PDE3B: variants seen among roughly 807,000 people sequenced by gnomAD.
The protein encoded by PDE3B is cGMP-inhibited 3',5'-cyclic phosphodiesterase 3B.
In PDE3B, 66 loss-of-function variants were observed where a neutral mutation model predicts 116.8. The ratio of observed to expected loss-of-function variants is 0.56; its 90% CI spans 0.46 to 0.69. The LOEUF (loss-of-function observed/expected upper bound fraction) is 0.69, where lower values mean the gene tolerates loss of function less well. Ranked by LOEUF, PDE3B falls within the 30% of genes least tolerant of loss-of-function variation. The pLI is 0.00. For missense variants in PDE3B, 1,384 were observed against 1,368.1 expected, an observed-to-expected ratio of 1.01 and a Z score of -0.18; for synonymous variants, 595 against 533.6, an observed-to-expected ratio of 1.12 and a Z score of -1.59.
the PDE3B span, among the ~76,000 whole-genome samples, chr11:14,889,720 C>T: frequency 6.6e-6 from 1 of 152,138 alleles, no homozygotes; most frequent in African/African-American, 2.4e-5. Flanking sequence ...TCTTTCAGTT[C>T]AAATATTTAT....
the PDE3B span, chr11:14,892,207 G>C: frequency 4.4e-6 from 7 of 1,609,016 alleles, no homozygotes; most frequent in South Asian, 5.5e-5. Flanking sequence ...CTTCCACATC[G>C]GCCCGAGCTG....
chr11:14,728,806 A>G (rs1441132270), intron 1 of PDE3B, among the ~76,000 whole-genome samples: 1 of 152,140 alleles, frequency 6.6e-6, no homozygotes, highest in African/African-American at 2.4e-5. Context: ...ATACTATACT[A>G]CTATATAAGC....
At chr11:14,880,223 C>T in the PDE3B span, 14 of 1,612,894 alleles carry the variant, frequency 8.7e-6, 1 homozygote, top group South Asian at 1.4e-4. Context: ...ATGAGTTCAC[C>T]CACTGAGAAA....
chr11:14,661,464 T>C (rs1299945727), intron 1 of PDE3B, among the ~76,000 whole-genome samples: 1 of 152,194 alleles, frequency 6.6e-6, no homozygotes, highest in Non-Finnish European at 1.5e-5. Context: ...CGTAGGACAG[T>C]GGGTGCAGCG....
chr11:14,831,903 A>T, intron 9 of PDE3B, 126 bp downstream of exon 9: 1 of 570,330 alleles, frequency 1.8e-6, no homozygotes, highest in Non-Finnish European at 3.0e-6. Flanking sequence ...TATTTTTTTC[A>T]GAAAAAAATA....
At chr11:14,677,131 A>G (rs1351618891) in intron 1 of PDE3B, among the ~76,000 whole-genome samples, 1 of 151,828 alleles carries the variant, frequency 6.6e-6, no homozygotes, top group African/African-American at 2.4e-5. Context: ...TTAGTTTTTA[A>G]TTTTTTTTCT....
chr11:14,784,369 C>G (rs1053028055), intron 2 of PDE3B, among the ~76,000 whole-genome samples: 1 of 152,152 alleles, frequency 6.6e-6, no homozygotes, highest in Non-Finnish European at 1.5e-5. Flanking sequence ...ATCTGATACT[C>G]AAGACAAGAC....
At chr11:14,668,283 A>G (rs943850663) in intron 1 of PDE3B, among the ~76,000 whole-genome samples, 1 of 152,058 alleles carries the variant, frequency 6.6e-6, no homozygotes, top group African/African-American at 2.4e-5. Flanking sequence ...ATTTTTTTGC[A>G]TGTATTTTGT....
Position 14,644,475 on chromosome 11 carries a change from T to TGCTTCCTCACCC in PDE3B, c.402_413dup (p.Phe135_Arg138dup), listed in dbSNP as rs1360105215. ...CGCCTGTGCCTTCTTCTTCCTCACC[T>TGCTTCCTCACCC]GCTTCCTCACCCGGACCAAGCGGGG... On this transcript the variant is annotated inframe_insertion, in exon 1 of 16. Coordinates refer to ENST00000282096, the MANE Select transcript of PDE3B (RefSeq NM_000922.4). 3 of 1,612,828 alleles carry TGCTTCCTCACCC rather than the reference T, an allele frequency of 1.9e-6. No individual in the cohort carries two copies. The highest frequency in any genetic ancestry group is 4.5e-5 in the East Asian group (2 of 44,796).
chr11:14,875,652 C>G (rs1470252261), downstream of PDE3B, among the ~76,000 whole-genome samples: 1 of 152,086 alleles, frequency 6.6e-6, no homozygotes, highest in Non-Finnish European at 1.5e-5. Flanking sequence ...CTAACTGGTT[C>G]CAAATAATTG....
intron 1 of PDE3B, among the ~76,000 whole-genome samples, chr11:14,707,460 G>A (rs1051022739): frequency 1.3e-5 from 2 of 151,976 alleles, no homozygotes; most frequent in Admixed American, 6.6e-5. Context: ...GCTTGATGCC[G>A]TAAGCAAAGA....
intron 1 of PDE3B, among the ~76,000 whole-genome samples, chr11:14,662,546 G>A (rs1459741891): frequency 6.6e-6 from 1 of 151,996 alleles, no homozygotes; most frequent in Non-Finnish European, 1.5e-5. Flanking sequence ...AGGCAAAGAA[G>A]TTGAAAACTT....
intron 1 of PDE3B, among the ~76,000 whole-genome samples, chr11:14,645,590 A>C (rs189036685): frequency 1.3e-5 from 2 of 152,220 alleles, no homozygotes; most frequent in Non-Finnish European, 2.9e-5. Context: ...TTTGCAAATG[A>C]GAGTAATTTA....
At chr11:14,662,905 C>G (rs968059645) in intron 1 of PDE3B, among the ~76,000 whole-genome samples, 1 of 152,296 alleles carries the variant, frequency 6.6e-6, no homozygotes, top group East Asian at 1.9e-4. Context: ...TCTAGGAGAA[C>G]TTCCCCAATC....
intron 11 of PDE3B, 120 bp from the exon 12 acceptor site, chr11:14,843,707 C>T (rs1847522573): frequency 1.4e-6 from 1 of 725,552 alleles, no homozygotes; most frequent in Non-Finnish European, 2.4e-6. Context: ...GATTTTAGTT[C>T]TTACTTAAAT....
At chr11:14,814,859 A>G (rs1374977360) in intron 5 of PDE3B, among the ~76,000 whole-genome samples, 1 of 152,040 alleles carries the variant, frequency 6.6e-6, no homozygotes, top group Non-Finnish European at 1.5e-5. Context: ...CTACTTGGGA[A>G]AGCTGAGGCA....
the PDE3B span, among the ~76,000 whole-genome samples, chr11:14,883,802 A>G: frequency 8.9e-4 from 136 of 152,330 alleles, 3 homozygotes; most frequent in East Asian, 0.024. Flanking sequence ...AAGGGCTAAT[A>G]TCCAGAGTCT....
intron 12 of PDE3B, among the ~76,000 whole-genome samples, chr11:14,853,664 C>A (rs962014420): frequency 5.9e-5 from 9 of 152,162 alleles, no homozygotes; most frequent in African/African-American, 2.2e-4. Flanking sequence ...ATAATACCAC[C>A]AGCTGGGTCA....
At chr11:14,722,860 A>T (rs1263144058) in intron 1 of PDE3B, among the ~76,000 whole-genome samples, 1 of 152,212 alleles carries the variant, frequency 6.6e-6, no homozygotes, top group Admixed American at 6.5e-5. Flanking sequence ...GAAGAAGCTA[A>T]CTATGTTATG....
Sources: gnomAD v4.1 joint callset for allele counts (sites outside exome capture counted in the v4.1 genomes callset) on GRCh38, gnomAD v4.1.1 for gene constraint, MANE v1.5 for transcripts, NCBI Gene and HGNC (gene_info 2026-07-23, HGNC 2026-07-21) for gene names.